Variants in KCTD16 observed in about 807,000 individuals in gnomAD.
KCTD16 encodes the protein potassium channel tetramerization domain containing 16.
Under a neutral mutation model 33.2 loss-of-function variants are expected in KCTD16, and 13 were observed. The observed-to-expected ratio is 0.39, with a 90% confidence interval of 0.25 to 0.62. The LOEUF (loss-of-function observed/expected upper bound fraction) is 0.62, where lower values mean the gene tolerates loss of function less well. Ranked by LOEUF, KCTD16 falls within the 20% of genes least tolerant of loss-of-function variation. The pLI is 0.50. For missense variants in KCTD16, 441 were observed against 525.1 expected, an observed-to-expected ratio of 0.84 and a Z score of 1.57; for synonymous variants, 197 against 195.3, an observed-to-expected ratio of 1.01 and a Z score of -0.07.
chr5:144,306,285 C>T (rs1361099049), intron 3 of KCTD16, among the ~76,000 whole-genome samples: 1 of 152,216 alleles, frequency 6.6e-6, no homozygotes, highest in Non-Finnish European at 1.5e-5. Context: ...TGGGCAAAAA[C>T]TTTAGGGAAG....
chr5:144,473,613 C>G (rs753193056), intron 3 of KCTD16, 47 bp from the exon 4 acceptor site: 1 of 1,514,734 alleles, frequency 6.6e-7, no homozygotes, highest in South Asian at 1.2e-5. Flanking sequence ...GCTACTCCAA[C>G]TGACCTGGCT....
rs182602542 is a variant in KCTD16 at position 144,415,992 on chromosome 5, G to A, written c.833-57668G>A. On this transcript the variant is annotated intron_variant, in intron 3 of 3. Transcript: ENST00000512467. ...TTCTGATTACACAGATAATCTTACA[G>A]TGTAGAATGGGTGAAAGGATTCTAT... is the stretch of plus-strand genomic sequence containing the variant. Among the ~76,000 whole-genome samples, 6 of 152,280 alleles carry A rather than the reference G, an allele frequency of 3.9e-5. No homozygotes were observed. In the East Asian group the frequency reaches 9.7e-4, roughly 24 times the overall value.
At chr5:144,351,640 A>C (rs1751438850) in intron 3 of KCTD16, among the ~76,000 whole-genome samples, 1 of 152,238 alleles carries the variant, frequency 6.6e-6, no homozygotes, top group African/African-American at 2.4e-5. Context: ...TAGCCAACAT[A>C]TAAAACCAAC....
At position 144,231,838 on chromosome 5, in the gene KCTD16, T is replaced by G. The variant is rs562798743; in HGVS notation, c.832+24292T>G. Among the ~76,000 whole-genome samples, 4 of 152,300 alleles carry G rather than the reference T, an allele frequency of 2.6e-5. No homozygotes were observed. In the South Asian group the frequency reaches 8.3e-4, roughly 32 times the overall value. On this transcript the variant is annotated intron_variant, in intron 3 of 3. Coordinates refer to ENST00000512467, the MANE Select transcript of KCTD16 (RefSeq NM_020768.4). ...TCTGAAGCCCCCAGCCATGCTGAACTGTGAGTCAATTAAACCTTTTTCCTT... is the reference window on the plus strand; with the variant it reads ...TCTGAAGCCCCCAGCCATGCTGAACGGTGAGTCAATTAAACCTTTTTCCTT...
At chr5:144,209,092 T>C (rs1428176623) in intron 3 of KCTD16, among the ~76,000 whole-genome samples, 3 of 152,210 alleles carry the variant, frequency 2.0e-5, no homozygotes, top group Non-Finnish European at 4.4e-5. Context: ...TAAAGATAGT[T>C]CCAATGCAGC....
chr5:144,220,981 G>C (rs1413007302), intron 3 of KCTD16, among the ~76,000 whole-genome samples: 2 of 151,518 alleles, frequency 1.3e-5, no homozygotes, highest in Non-Finnish European at 2.9e-5. Context: ...AGATAAAAAA[G>C]AAAAGGGCAA....
intron 3 of KCTD16, among the ~76,000 whole-genome samples, chr5:144,248,828 A>C (rs1469954804): frequency 6.6e-6 from 1 of 152,160 alleles, no homozygotes; most frequent in African/African-American, 2.4e-5. Context: ...GGTTGGAGAG[A>C]AATCTTAGTT....
chr5:144,471,606 A>G (rs1174400043), intron 3 of KCTD16, among the ~76,000 whole-genome samples: 1 of 152,204 alleles, frequency 6.6e-6, no homozygotes, highest in East Asian at 1.9e-4. Context: ...AAGCAGAAGC[A>G]TATTCTGCCT....
chr5:144,172,738 C>G, intron 1 of KCTD16, among the ~76,000 whole-genome samples: 1 of 152,140 alleles, frequency 6.6e-6, no homozygotes, highest in East Asian at 1.9e-4. Flanking sequence ...TCAAAAATAT[C>G]CTAATTCAGT....
At chr5:144,435,151 A>C (rs1231351602) in intron 3 of KCTD16, among the ~76,000 whole-genome samples, 6 of 152,316 alleles carry the variant, frequency 3.9e-5, no homozygotes, top group Non-Finnish European at 8.8e-5. Context: ...TATAAAACAA[A>C]GTGGATTATA....
At chr5:144,287,423 C>T (rs1190558701) in intron 3 of KCTD16, among the ~76,000 whole-genome samples, 1 of 152,168 alleles carries the variant, frequency 6.6e-6, no homozygotes, top group African/African-American at 2.4e-5. Context: ...TTCATGCATT[C>T]TTACAGCCAC....
At chr5:144,416,897 T>C (rs1753066556) in intron 3 of KCTD16, among the ~76,000 whole-genome samples, 1 of 152,182 alleles carries the variant, frequency 6.6e-6, no homozygotes, top group African/African-American at 2.4e-5. Flanking sequence ...GTGTGGCTTT[T>C]TTCCCCTAAC....
At chr5:144,328,788 G>A (rs1176500555) in intron 3 of KCTD16, among the ~76,000 whole-genome samples, 1 of 151,392 alleles carries the variant, frequency 6.6e-6, no homozygotes, top group African/African-American at 2.4e-5. Context: ...GAATCATTCT[G>A]TCCTTCTCCA....
chr5:144,287,921 A>C (rs1755792321), intron 3 of KCTD16, among the ~76,000 whole-genome samples: 1 of 152,184 alleles, frequency 6.6e-6, no homozygotes, highest in South Asian at 2.1e-4. Context: ...GGCATGAGAC[A>C]ATGCCTGGCC....
chr5:144,199,287 A>G (rs1372490397), intron 2 of KCTD16, among the ~76,000 whole-genome samples: 2 of 152,214 alleles, frequency 1.3e-5, no homozygotes, highest in Non-Finnish European at 2.9e-5. Context: ...TGCAGTTTAC[A>G]CTACTGCTTT....
chr5:144,374,025 A>G (rs1267427767), intron 3 of KCTD16, among the ~76,000 whole-genome samples: 3 of 152,172 alleles, frequency 2.0e-5, no homozygotes, highest in Non-Finnish European at 4.4e-5. Context: ...TCTTGCCTCT[A>G]TGTACAGACC....
intron 3 of KCTD16, among the ~76,000 whole-genome samples, chr5:144,217,068 T>A (rs1753586143): frequency 6.6e-6 from 1 of 152,158 alleles, no homozygotes; most frequent in South Asian, 2.1e-4. Context: ...GGCAGAGGCA[T>A]GGAATTAAAA....
chr5:144,418,954 C>T (rs992779279), intron 3 of KCTD16, among the ~76,000 whole-genome samples: 3 of 152,080 alleles, frequency 2.0e-5, no homozygotes, highest in African/African-American at 7.2e-5. Flanking sequence ...CCTTTGACCC[C>T]AAAGCTCATG....
intron 3 of KCTD16, among the ~76,000 whole-genome samples, chr5:144,375,445 T>C: frequency 6.6e-6 from 1 of 152,174 alleles, no homozygotes; most frequent in East Asian, 1.9e-4. Flanking sequence ...GAAAAAGTCA[T>C]GTCCCTGAAA....
Sources: gnomAD v4.1 joint callset for allele counts (sites outside exome capture counted in the v4.1 genomes callset) on GRCh38, gnomAD v4.1.1 for gene constraint, MANE v1.5 for transcripts, NCBI Gene and HGNC (gene_info 2026-07-23, HGNC 2026-07-21) for gene names.